The following PCDHGA8 variants were observed in gnomAD, a reference collection of about 807,000 sequenced individuals.
The protein encoded by PCDHGA8 is protocadherin gamma-A8.
PCDHGA8 carries 45 observed loss-of-function variants against 59.2 expected under a neutral mutation model. The ratio of observed to expected loss-of-function variants is 0.76; its 90% CI spans 0.60 to 0.98. The LOEUF (loss-of-function observed/expected upper bound fraction) is 0.98. Ranked by LOEUF, PCDHGA8 falls within the 50% of genes least tolerant of loss-of-function variation. The pLI, the probability that PCDHGA8 is intolerant of heterozygous loss-of-function variation, is 0.00. For missense variants in PCDHGA8, 1,257 were observed against 1,196.2 expected, an observed-to-expected ratio of 1.05 and a Z score of -0.75; for synonymous variants, 531 against 519.0, an observed-to-expected ratio of 1.02 and a Z score of -0.32.
In PCDHGA8 at chr5:141,489,412, G is replaced by C; in HGVS notation, c.2425-5395G>C. On this transcript the variant is annotated intron_variant, in intron 1 of 3. Coordinates refer to ENST00000398604, the MANE Select transcript of PCDHGA8 (RefSeq NM_032088.2). The surrounding 1 kb of genome is among the most constrained non-coding windows in gnomAD (Gnocchi z 4.5). ...TCAGGATCTGGGCTTAAAGATGACAGATCTGTTGAGCCGGCGGCTGCAATT... is the reference window on the plus strand; with the variant it reads ...TCAGGATCTGGGCTTAAAGATGACACATCTGTTGAGCCGGCGGCTGCAATT... The C allele has an allele frequency of 6.2e-7, 1 of 1,614,172 alleles. No individual in the cohort carries two copies. Among genetic ancestry groups the C allele is most frequent in the Non-Finnish European group, 8.5e-7 (1 of 1,180,040 alleles).
intron 1 of PCDHGA8, among the ~76,000 whole-genome samples, chr5:141,433,818 CA>C (rs2097653666): frequency 7.5e-6 from 1 of 133,558 alleles, no homozygotes; most frequent in African/African-American, 2.9e-5. Flanking sequence ...GCCTGGGCAA[CA>C]AGAGTGAAAC....
In PCDHGA8 at chr5:141,462,551, G is replaced by C. The variant is rs57555347; in HGVS notation, c.2425-32256G>C. 8.3e-3 allele frequency among the ~76,000 whole-genome samples: 1,259 copies of C among 151,854 alleles called. 17 individuals carry two copies. The highest frequency in any genetic ancestry group is 0.029 in the African/African-American group (1,196 of 41,422). ...TTGTTCAGTGATCTTTTCTTCTTCA[G>C]TGTTTACTGTATTTGCTAATCCCAT... On this transcript the variant is annotated intron_variant, in intron 1 of 3. Transcript: ENST00000398604.
intron 1 of PCDHGA8, chr5:141,399,754 A>G: frequency 6.2e-7 from 1 of 1,613,326 alleles, no homozygotes; most frequent in Non-Finnish European, 8.5e-7. Flanking sequence ...CGCAAACGTG[A>G]GCCTGCGCGT....
rs1349189547 is a variant in PCDHGA8 at position 141,432,777 on chromosome 5, C to T, written c.2424+37540C>T. Reference sequence around the variant, plus strand: ...GCCGACAGCATCCCCCAAGTCCTGGCGGACCTCGGCAGCCTCGAGTCTCCA... The same window carrying T: ...GCCGACAGCATCCCCCAAGTCCTGGTGGACCTCGGCAGCCTCGAGTCTCCA... On this transcript the variant is annotated intron_variant, in intron 1 of 3. Coordinates refer to ENST00000398604, the MANE Select transcript of PCDHGA8 (RefSeq NM_032088.2). This position sits in a 1 kb window ranked among gnomAD's most constrained non-coding sequence, Gnocchi z 6.0. The T allele has an allele frequency of 6.2e-6, 10 of 1,614,154 alleles. No individual in the cohort carries two copies. The highest frequency in any genetic ancestry group is 7.6e-6 in the Non-Finnish European group (9 of 1,179,992).
rs1382764259 is a variant in PCDHGA8 at position 141,478,383 on chromosome 5, T to G, written c.2425-16424T>G. 2.5e-6 allele frequency: 4 copies of G among 1,613,630 alleles called. No individual in the cohort carries two copies. In the Admixed American group the frequency reaches 6.7e-5, roughly 27 times the overall value. Reference sequence around the variant, plus strand: ...CGGGGAGGCCTGATGTCGCCGCACCTTTACCATCAGGTGTATCTCACCACG... The same window carrying G: ...CGGGGAGGCCTGATGTCGCCGCACCGTTACCATCAGGTGTATCTCACCACG... On this transcript the variant is annotated intron_variant, in intron 1 of 3. Coordinates refer to ENST00000398604, the MANE Select transcript of PCDHGA8 (RefSeq NM_032088.2).
intron 3 of PCDHGA8, among the ~76,000 whole-genome samples, chr5:141,509,907 C>T (rs149338646): frequency 3.3e-5 from 5 of 152,182 alleles, no homozygotes; most frequent in South Asian, 2.1e-4. Context: ...TTCCAGCATG[C>T]GCTTAGGTAC....
At chr5:141,469,948 T>C (rs1258593339) in intron 1 of PCDHGA8, among the ~76,000 whole-genome samples, 2 of 152,110 alleles carry the variant, frequency 1.3e-5, no homozygotes, top group Admixed American at 1.3e-4. Flanking sequence ...CTGGCCAGCA[T>C]GGTGAAACCC....
Position 141,486,786 on chromosome 5 carries a change from G to A in PCDHGA8, c.2425-8021G>A, listed in dbSNP as rs1360545946. The A allele has an allele frequency of 1.9e-6, 3 of 1,614,090 alleles. No individual in the cohort carries two copies. The highest frequency in any genetic ancestry group is 2.2e-5 in the East Asian group (1 of 44,892). ...ACACTGCAGTTTGAGGTGCAGGCCC[G>A]GGATCGGGGCAACCCACCCCTTAGC... is the stretch of plus-strand genomic sequence containing the variant. On this transcript the variant is annotated intron_variant, in intron 1 of 3. Coordinates refer to ENST00000398604, the MANE Select transcript of PCDHGA8 (RefSeq NM_032088.2). This position sits in a 1 kb window ranked among gnomAD's most constrained non-coding sequence, Gnocchi z 5.0.
chr5:141,479,676 G>A (rs2099503035), intron 1 of PCDHGA8: 1 of 152,242 alleles, frequency 6.6e-6, no homozygotes, highest in African/African-American at 2.4e-5. Context: ...CAAAAGGAGA[G>A]TCTTTTTGGT....
intron 2 of PCDHGA8, among the ~76,000 whole-genome samples, chr5:141,500,788 A>T (rs1379810633): frequency 2.6e-5 from 4 of 152,198 alleles, no homozygotes; most frequent in Admixed American, 6.5e-5. Context: ...ATATTATTTT[A>T]CAGAATAAGT....
At chr5:141,421,824 A>G in intron 1 of PCDHGA8, 1 of 1,613,768 alleles carries the variant, frequency 6.2e-7, no homozygotes, top group Non-Finnish European at 8.5e-7. Flanking sequence ...TACTGGAGGG[A>G]AGCCTGGACC....
In PCDHGA8 at chr5:141,485,979, C is replaced by G; in HGVS notation, c.2425-8828C>G. 1 of 1,614,182 alleles carries G rather than the reference C, an allele frequency of 6.2e-7. No individual in the cohort carries two copies. Among genetic ancestry groups the G allele is most frequent in the Non-Finnish European group, 8.5e-7 (1 of 1,180,022 alleles). On this transcript the variant is annotated intron_variant, in intron 1 of 3. Coordinates refer to ENST00000398604, the MANE Select transcript of PCDHGA8 (RefSeq NM_032088.2). The surrounding 1 kb of genome is among the most constrained non-coding windows in gnomAD (Gnocchi z 5.7). ...CTCATCCAGCTCAATGCCTCAGACC[C>G]GGACCTGGGTCCCAGTGGTAACGTC...
intron 1 of PCDHGA8, among the ~76,000 whole-genome samples, chr5:141,407,652 A>G (rs2094964200): frequency 6.6e-6 from 1 of 152,020 alleles, no homozygotes; most frequent in Non-Finnish European, 1.5e-5. Flanking sequence ...ATAATGGGGG[A>G]GCGCAGTATA....
Position 141,491,034 on chromosome 5 carries a change from T to C in PCDHGA8, c.2425-3773T>C, listed in dbSNP as rs375902824. On this transcript the variant is annotated intron_variant, in intron 1 of 3. Coordinates refer to ENST00000398604, the MANE Select transcript of PCDHGA8 (RefSeq NM_032088.2). The surrounding 1 kb of genome is among the most constrained non-coding windows in gnomAD (Gnocchi z 6.9). The stretch of plus-strand genomic sequence containing the variant: ...CCAAGGTGACAGCCGTGGATGCTGA[T>C]GCAGGCCACAATGCGTGGCTCTCCT... 19 of 1,614,170 alleles carry C rather than the reference T, an allele frequency of 1.2e-5. No homozygotes were observed. Among genetic ancestry groups the C allele is most frequent in the East Asian group, 4.5e-5 (2 of 44,894 alleles).
Position 141,485,094 on chromosome 5 carries a change from C to A in PCDHGA8, c.2425-9713C>A. ...GGCGCGGGGAAAGGGAGATAGGTGT[C>A]TCCAGCTGCTGTGGCTGTTTGGGGC... On this transcript the variant is annotated intron_variant, in intron 1 of 3. Coordinates refer to ENST00000398604, the MANE Select transcript of PCDHGA8 (RefSeq NM_032088.2). The surrounding 1 kb of genome is among the most constrained non-coding windows in gnomAD (Gnocchi z 5.7). 9.1e-7 allele frequency: 1 copy of A among 1,100,766 alleles called. No individual in the cohort carries two copies. Among genetic ancestry groups the A allele is most frequent in the Non-Finnish European group, 1.4e-6 (1 of 736,922 alleles). The allele number at this position is 1,100,766 out of a possible 1,614,324, so 68.2% of individuals were successfully genotyped here. A position where few individuals can be genotyped will look rare whatever the true frequency, so the allele number is the denominator to read the frequency against.
intron 1 of PCDHGA8, chr5:141,423,618 C>CT (rs1300844043): frequency 1.9e-6 from 3 of 1,608,282 alleles, no homozygotes; most frequent in Admixed American, 1.7e-5. Flanking sequence ...TAGCTGAAGA[C>CT]TCAGCTATCA....
Position 141,476,373 on chromosome 5 carries a change from T to C in PCDHGA8, c.2425-18434T>C. 1 of 1,614,054 alleles carries C rather than the reference T, an allele frequency of 6.2e-7. No individual in the cohort carries two copies. Among genetic ancestry groups the C allele is most frequent in the Non-Finnish European group, 8.5e-7 (1 of 1,180,020 alleles). On this transcript the variant is annotated intron_variant, in intron 1 of 3. Transcript: ENST00000398604. This position sits in a 1 kb window ranked among gnomAD's most constrained non-coding sequence, Gnocchi z 7.6. ...GAGGTGAACCGGGAGACCGGAGAGA[T>C]GTTTGTGAACGACCGTCTGGATCGA...
intron 1 of PCDHGA8, among the ~76,000 whole-genome samples, chr5:141,484,627 A>G (rs866882607): frequency 5.3e-5 from 8 of 152,162 alleles, no homozygotes; most frequent in Middle Eastern, 3.4e-3. Flanking sequence ...TGGCTTGAAC[A>G]AAGTGACCAC....
At chr5:141,463,583 G>A (rs1444995569) in intron 1 of PCDHGA8, among the ~76,000 whole-genome samples, 1 of 151,598 alleles carries the variant, frequency 6.6e-6, no homozygotes, top group African/African-American at 2.4e-5. Flanking sequence ...CGAGTAGCTG[G>A]GACTACAGGT....
Sources: allele counts gnomAD v4.1 joint callset (sites outside exome capture counted in the v4.1 genomes callset), GRCh38; gene constraint gnomAD v4.1.1; non-coding constraint Gnocchi (gnomAD v3.1); transcripts MANE v1.5; gene names NCBI Gene and HGNC (gene_info 2026-07-23, HGNC 2026-07-21).